Variants in ZBTB44 observed in about 807,000 individuals in gnomAD.
ZBTB44 encodes zinc finger and BTB domain-containing protein 44.
In ZBTB44, 15 loss-of-function variants were observed where a neutral mutation model predicts 54.0. The observed-to-expected ratio is 0.28, with a 90% CI of 0.19 to 0.43. The LOEUF (loss-of-function observed/expected upper bound fraction) is 0.43. Ranked by LOEUF, ZBTB44 falls within the 20% of genes least tolerant of loss-of-function variation. ZBTB44 has a pLI of 1.00. For missense variants in ZBTB44, 487 were observed against 707.1 expected (o/e 0.69, Z 3.53); for synonymous variants, 230 against 250.1 (o/e 0.92, Z 0.76).
chr11:130,283,962 T>A (rs963574597), intron 1 of ZBTB44, among the ~76,000 whole-genome samples: 2 of 73,318 alleles, frequency 2.7e-5, no homozygotes, highest in South Asian at 1.0e-3. Flanking sequence ...AGAGTAAGAC[T>A]CCATCTCAAA....
intron 2 of ZBTB44, among the ~76,000 whole-genome samples, chr11:130,243,549 T>TG (rs1395523230): frequency 1.3e-5 from 2 of 152,214 alleles, no homozygotes; most frequent in African/African-American, 4.8e-5. Flanking sequence ...GTCCGCTCAT[T>TG]GCCAAGGCAG....
At chr11:130,244,410 G>A (rs1388474260) in intron 2 of ZBTB44, among the ~76,000 whole-genome samples, 3 of 152,140 alleles carry the variant, frequency 2.0e-5, no homozygotes, top group African/African-American at 7.2e-5. Flanking sequence ...GCTCATGCCT[G>A]TAATCCCAGC....
chr11:130,299,112 T>G (rs1941847239), intron 1 of ZBTB44, among the ~76,000 whole-genome samples: 1 of 151,542 alleles, frequency 6.6e-6, no homozygotes, highest in South Asian at 2.1e-4. Flanking sequence ...TAAAGGGCAA[T>G]CATCGTCACC....
Position 130,268,889 on chromosome 11 carries a change from AAGAG to A in ZBTB44, c.-56-6964_-56-6961del, listed in dbSNP as rs201442481. On this transcript the variant is annotated intron_variant, in intron 1 of 7. Coordinates refer to ENST00000357899, the MANE Select transcript of ZBTB44 (RefSeq NM_001301098.2). Reference sequence around the variant, plus strand: ...GCCATCACGCTCGGCCTCAAATTTTAAGAGAGAGAGAGAGAGAAAAAAAGAAAAT... The same window carrying A: ...GCCATCACGCTCGGCCTCAAATTTTAAGAGAGAGAGAGAAAAAAAGAAAAT... 4.0e-5 allele frequency among the ~76,000 whole-genome samples: 6 copies of A among 150,424 alleles called. No individual in the cohort carries two copies. The South Asian group carries it at 8.4e-4, about 21-fold the overall frequency.
At chr11:130,297,195 C>G (rs1592060523) in intron 1 of ZBTB44, among the ~76,000 whole-genome samples, 1 of 152,316 alleles carries the variant, frequency 6.6e-6, no homozygotes, top group East Asian at 1.9e-4. Flanking sequence ...GCACTGAGCA[C>G]TGTAACTTCT....
Position 130,231,719 on chromosome 11 carries a change from A to C in ZBTB44, c.*49-4T>G, listed in dbSNP as rs1169971523. On this transcript the variant is annotated splice_region_variant and splice_polypyrimidine_tract_variant and intron_variant, in intron 7 of 7. Coordinates refer to ENST00000357899, the MANE Select transcript of ZBTB44 (RefSeq NM_001301098.2). ...TTTCAAAAACCACCTCTTGGAACTA[A>C]GGGTAACAATGATTCCTGGTCATAA... 1.3e-5 allele frequency: 2 copies of C among 152,084 alleles called. No individual in the cohort carries two copies. Among genetic ancestry groups the C allele is most frequent in the African/African-American group, 4.8e-5 (2 of 41,408 alleles). The allele number at this position is 152,084 out of a possible 1,614,324, so 9.4% of individuals were successfully genotyped here.
At chr11:130,276,405 T>C (rs899650617) in intron 1 of ZBTB44, among the ~76,000 whole-genome samples, 5 of 151,814 alleles carry the variant, frequency 3.3e-5, no homozygotes, top group African/African-American at 1.2e-4. Context: ...TATTTACTTG[T>C]TGACCTTTTA....
At chr11:130,248,021 C>T (rs973456763) in intron 2 of ZBTB44, among the ~76,000 whole-genome samples, 26 of 152,264 alleles carry the variant, frequency 1.7e-4, no homozygotes, top group African/African-American at 5.5e-4. Context: ...CAGGTAAAAT[C>T]CTATCTGAAC....
chr11:130,294,019 A>G (rs1941475821), intron 1 of ZBTB44, among the ~76,000 whole-genome samples: 1 of 152,188 alleles, frequency 6.6e-6, no homozygotes, highest in Non-Finnish European at 1.5e-5. Flanking sequence ...GTTACTTTCT[A>G]CATCAAGAGA....
At chr11:130,232,681 G>A (rs990105695) in intron 7 of ZBTB44, 15 of 152,076 alleles carry the variant, frequency 9.9e-5, no homozygotes, top group African/African-American at 3.4e-4. Flanking sequence ...ACAATGTATC[G>A]CTGTCATATG....
intron 1 of ZBTB44, among the ~76,000 whole-genome samples, chr11:130,305,392 C>T (rs571900159): frequency 1.4e-4 from 22 of 152,262 alleles, no homozygotes; most frequent in East Asian, 9.6e-4. Context: ...CAGCATGGTA[C>T]TGGTATAAAA....
At chr11:130,257,223 A>C (rs1389663814) in intron 2 of ZBTB44, among the ~76,000 whole-genome samples, 1 of 150,094 alleles carries the variant, frequency 6.7e-6, no homozygotes, top group Non-Finnish European at 1.5e-5. Flanking sequence ...TGTTCAGCAC[A>C]TGCATCCCAG....
At chr11:130,292,024 T>G (rs149156112) in intron 1 of ZBTB44, among the ~76,000 whole-genome samples, 1 of 152,240 alleles carries the variant, frequency 6.6e-6, no homozygotes, top group East Asian at 1.9e-4. Flanking sequence ...TTATATAGTA[T>G]GTACTCTTTT....
intron 1 of ZBTB44, among the ~76,000 whole-genome samples, chr11:130,273,691 C>A (rs990134003): frequency 2.6e-5 from 4 of 152,146 alleles, no homozygotes; most frequent in Non-Finnish European, 1.5e-5. Context: ...TATTCTGCAA[C>A]CTTGCTCAAC....
chr11:130,265,645 A>G (rs1279568733), intron 1 of ZBTB44, among the ~76,000 whole-genome samples: 3 of 152,250 alleles, frequency 2.0e-5, no homozygotes, highest in African/African-American at 4.8e-5. Flanking sequence ...TCCAGTGCAC[A>G]CACAAATGAT....
intron 1 of ZBTB44, among the ~76,000 whole-genome samples, chr11:130,276,715 C>A (rs1351398100): frequency 6.6e-6 from 1 of 152,146 alleles, no homozygotes; most frequent in Non-Finnish European, 1.5e-5. Flanking sequence ...AGGTGTTAGC[C>A]ACTGTGCCCG....
At chr11:130,309,996 A>C (rs1009531968) in intron 1 of ZBTB44, among the ~76,000 whole-genome samples, 3 of 151,926 alleles carry the variant, frequency 2.0e-5, no homozygotes, top group African/African-American at 7.3e-5. Flanking sequence ...CTACAGTTCT[A>C]TTTTTATGGA....
intron 5 of ZBTB44, chr11:130,236,022 T>G (rs2136272914): frequency 2.0e-6 from 2 of 990,556 alleles, no homozygotes; most frequent in Admixed American, 4.4e-5. Flanking sequence ...AAACTAAGGA[T>G]TCCTACAGAA....
At chr11:130,286,518 C>A (rs1394425914) in intron 1 of ZBTB44, among the ~76,000 whole-genome samples, 1 of 152,080 alleles carries the variant, frequency 6.6e-6, no homozygotes, top group African/African-American at 2.4e-5. Flanking sequence ...TATCCCTGTC[C>A]CTTTGAACTA....
Sources: allele counts gnomAD v4.1 joint callset (sites outside exome capture counted in the v4.1 genomes callset), GRCh38; gene constraint gnomAD v4.1.1; transcripts MANE v1.5; gene names NCBI Gene and HGNC (gene_info 2026-07-23, HGNC 2026-07-21).